Variants in SLC12A6 observed in about 807,000 individuals in gnomAD.
SLC12A6 encodes solute carrier family 12 member 6, also known as K-Cl cotransporter 3.
A neutral mutation model predicts 135.3 loss-of-function variants in SLC12A6; 66 were observed. The ratio of observed to expected loss-of-function variants is 0.49; its 90% CI spans 0.40 to 0.60. SLC12A6 has a LOEUF of 0.60. SLC12A6 is among the 20% of genes least tolerant of loss of function. SLC12A6 has a pLI of 0.00. For synonymous variants in SLC12A6, 513 were observed against 508.8 expected, an observed-to-expected ratio of 1.01 and a Z score of -0.11; for missense variants, 1,058 against 1,452.3, an observed-to-expected ratio of 0.73 and a Z score of 4.41.
At chr15:34,324,659 T>C (rs1161771435) in intron 2 of SLC12A6, among the ~76,000 whole-genome samples, 1 of 152,082 alleles carries the variant, frequency 6.6e-6, no homozygotes, top group East Asian at 1.9e-4. Context: ...TTGAAACAAT[T>C]AAGGGAAAGT....
intron 2 of SLC12A6, among the ~76,000 whole-genome samples, chr15:34,298,715 A>C (rs76247600): frequency 0.039 from 5,957 of 152,212 alleles, 225 homozygotes; most frequent in African/African-American, 0.099. Context: ...AGAAGCAGTG[A>C]GCACATGTAC....
chr15:34,256,423 A>G (rs1406609407), intron 6 of SLC12A6, 140 bp from the exon 7 acceptor site: 1 of 687,610 alleles, frequency 1.5e-6, no homozygotes, highest in Non-Finnish European at 2.7e-6. Context: ...AATGGTATGG[A>G]AATAAGATGA....
At chr15:34,284,291 T>C (rs1894895882) in intron 2 of SLC12A6, among the ~76,000 whole-genome samples, 1 of 143,510 alleles carries the variant, frequency 7.0e-6, no homozygotes, top group Non-Finnish European at 1.5e-5. Flanking sequence ...TTTTTTTTTT[T>C]TTTTTTTTTG....
chr15:34,245,751 GT>G lies in SLC12A6; in HGVS notation c.1765del (p.Thr589GlnfsTer19). On this transcript the variant is annotated frameshift_variant, in exon 14 of 26. Transcript: ENST00000354181. LOFTEE classifies it high-confidence loss of function. ...AGCTTGTAGCAGCCTCGGTGCACCT[GT>G]GAGGCTCTGAAGTCCAGCCCCACAT... Reference protein sequence around the residue: ...STCGAGLQSLTGAPRLLQAIA... With the variant: ...STCGAGLQSLXGAPRLLQAIA... 6.2e-7 allele frequency: 1 copy of G among 1,613,400 alleles called. No homozygotes were observed. Among genetic ancestry groups the G allele is most frequent in the Non-Finnish European group, 8.5e-7 (1 of 1,179,326 alleles).
intron 2 of SLC12A6, among the ~76,000 whole-genome samples, chr15:34,290,167 G>C (rs1895415883): frequency 6.6e-6 from 1 of 152,106 alleles, no homozygotes; most frequent in Admixed American, 6.6e-5. Flanking sequence ...CAGAGATTCT[G>C]GTACGTTATG....
intron 2 of SLC12A6, among the ~76,000 whole-genome samples, chr15:34,302,380 T>C (rs1208409934): frequency 6.6e-6 from 1 of 152,130 alleles, no homozygotes; most frequent in Non-Finnish European, 1.5e-5. Flanking sequence ...CAAATATTAC[T>C]GAAGAAAATT....
intron 7 of SLC12A6, 88 bp from the exon 8 acceptor site, chr15:34,255,480 A>C: frequency 1.1e-6 from 1 of 943,494 alleles, no homozygotes; most frequent in Non-Finnish European, 1.7e-6. Context: ...AAAAATATAT[A>C]CATAAAGGTT....
intron 2 of SLC12A6, among the ~76,000 whole-genome samples, chr15:34,303,728 G>A (rs1438414098): frequency 2.0e-5 from 3 of 152,182 alleles, no homozygotes; most frequent in East Asian, 1.9e-4. Flanking sequence ...AACAAAATAG[G>A]GAGTTTGGTC....
chr15:34,281,275 T>A (rs1595490086), intron 2 of SLC12A6, among the ~76,000 whole-genome samples: 2 of 152,104 alleles, frequency 1.3e-5, no homozygotes, highest in East Asian at 3.8e-4. Flanking sequence ...TCACTATACT[T>A]TAATAGGTAT....
chr15:34,254,411 A>G lies in SLC12A6; in HGVS notation c.1055T>C (p.Ile352Thr). The change falls in exon 9 of 26, where the codon ATT becomes ACT. Residue 352 changes from isoleucine (I) to threonine (T), a missense_variant. By Grantham distance (89) the Ile-to-Thr change is moderately conservative (BLOSUM62 -1). This residue lies in a region of SLC12A6 where 297 missense variants were observed against 318.5 expected (regional missense o/e 0.93). Transcript: ENST00000354181. ...AGCATAGATGGCCAAGATGGACACA[A>G]TGACACAGGCCAGGAAAAGTGAGGC... is the stretch of plus-strand genomic sequence containing the variant. ...KFASLFLACVIVSILAIYAGA... is the reference protein window; with the variant it reads ...KFASLFLACVTVSILAIYAGA... 5.0e-6 allele frequency: 8 copies of G among 1,613,500 alleles called. No individual in the cohort carries two copies. Among genetic ancestry groups the G allele is most frequent in the Non-Finnish European group, 6.8e-6 (8 of 1,179,400 alleles).
In SLC12A6 at chr15:34,238,221, G is replaced by C; in HGVS notation, c.2802+11C>G. ...GAAAGACTTTTGTAAAAAAAAAGTTGTATAAAATACCTTGTGCTGTTTCAG... is the reference window on the plus strand; with the variant it reads ...GAAAGACTTTTGTAAAAAAAAAGTTCTATAAAATACCTTGTGCTGTTTCAG... On this transcript the variant is annotated intron_variant, in intron 21 of 25. Coordinates refer to ENST00000354181, the MANE Select transcript of SLC12A6 (RefSeq NM_001365088.1). The C allele has an allele frequency of 6.2e-7, 1 of 1,601,442 alleles. No individual in the cohort carries two copies. The highest frequency in any genetic ancestry group is 1.1e-5 in the South Asian group (1 of 90,830).
intron 2 of SLC12A6, chr15:34,318,499 C>T: frequency 2.3e-6 from 3 of 1,301,898 alleles, no homozygotes; most frequent in South Asian, 2.4e-5. Flanking sequence ...ATTTTGATAT[C>T]CTAGTTACTT....
Position 34,238,313 on chromosome 15 carries a change from A to T in SLC12A6, c.2721T>A (p.Ser907=). 1 of 1,613,786 alleles carries T rather than the reference A, an allele frequency of 6.2e-7. No homozygotes were observed. Among genetic ancestry groups the T allele is most frequent in the Middle Eastern group, 1.6e-4 (1 of 6,062 alleles). The part of the protein sequence containing the change: ...SFFPSNVEQF[S]EGNIDVWWIV... The stretch of plus-strand genomic sequence containing the variant: ...TCCACCACACATCAATGTTGCCCTC[A>T]GAAAATTGCTCCACATTGCTGGGAA... The change falls in exon 21 of 26, where the codon TCT becomes TCA. Residue 907 remains serine, a synonymous_variant. Coordinates refer to ENST00000354181, the MANE Select transcript of SLC12A6 (RefSeq NM_001365088.1).
intron 2 of SLC12A6, among the ~76,000 whole-genome samples, chr15:34,330,806 T>C (rs1333039454): frequency 6.6e-6 from 1 of 152,160 alleles, no homozygotes; most frequent in Non-Finnish European, 1.5e-5. Context: ...TCAATAATTA[T>C]ATAATATAGA....
chr15:34,321,678 A>C (rs952217448), intron 2 of SLC12A6, among the ~76,000 whole-genome samples: 1 of 152,252 alleles, frequency 6.6e-6, no homozygotes, highest in African/African-American at 2.4e-5. Context: ...TGTTCACAAC[A>C]GTTTATTCAT....
At chr15:34,336,181 A>AT (rs1425926388) in intron 2 of SLC12A6, among the ~76,000 whole-genome samples, 5 of 152,092 alleles carry the variant, frequency 3.3e-5, no homozygotes, top group Admixed American at 3.3e-4. Context: ...TAAAATATAC[A>AT]TTTGCCTTCC....
chr15:34,255,917 A>G (rs1269160153), intron 7 of SLC12A6, among the ~76,000 whole-genome samples: 2 of 152,094 alleles, frequency 1.3e-5, no homozygotes, highest in African/African-American at 4.8e-5. Context: ...TGTGTGAGCT[A>G]TGATCGTGTC....
chr15:34,253,035 A>G (rs1335265688), intron 9 of SLC12A6, among the ~76,000 whole-genome samples: 1 of 152,214 alleles, frequency 6.6e-6, no homozygotes, highest in Non-Finnish European at 1.5e-5. Flanking sequence ...GACGGTAAGG[A>G]TAACATAAAT....
intron 2 of SLC12A6, among the ~76,000 whole-genome samples, chr15:34,301,148 T>C (rs1015461512): frequency 1.3e-5 from 2 of 152,078 alleles, no homozygotes; most frequent in Admixed American, 6.5e-5. Flanking sequence ...TTGTCTTTTT[T>C]AGTAGAGACA....
Sources: gnomAD v4.1 joint callset for allele counts (sites outside exome capture counted in the v4.1 genomes callset) on GRCh38, gnomAD v4.1.1 for gene constraint, gnomAD v4.1.1 regional missense constraint, MANE v1.5 for transcripts, NCBI Gene and HGNC (gene_info 2026-07-23, HGNC 2026-07-21) for gene names.